MDGA1: variants seen among roughly 807,000 people sequenced by gnomAD.
The protein encoded by MDGA1 is MAM domain containing glycosylphosphatidylinositol anchor 1.
A neutral mutation model predicts 101.5 loss-of-function variants in MDGA1; 54 were observed. That is an observed-to-expected ratio of 0.53 (90% CI 0.43 to 0.67). The LOEUF (loss-of-function observed/expected upper bound fraction) is 0.67. Ranked by LOEUF, MDGA1 falls within the 30% of genes least tolerant of loss-of-function variation. MDGA1 has a pLI of 0.00. For missense variants in MDGA1, 1,083 were observed against 1,323.8 expected, an observed-to-expected ratio of 0.82 and a Z score of 2.82; for synonymous variants, 533 against 558.3, an observed-to-expected ratio of 0.95 and a Z score of 0.64.
chr6:37,673,571 G>A (rs532835108), intron 1 of MDGA1, among the ~76,000 whole-genome samples: 3 of 152,208 alleles, frequency 2.0e-5, no homozygotes, highest in Non-Finnish European at 1.5e-5. Context: ...GCCATCAAGC[G>A]TGGGCCTCTT....
rs2113994142 is a variant in MDGA1 at position 37,638,720 on chromosome 6, C to T, written c.2537-53G>A. On this transcript the variant is annotated intron_variant, in intron 14 of 16. Transcript: ENST00000434837. The surrounding 1 kb of genome is among the most constrained non-coding windows in gnomAD (Gnocchi z 4.8). The stretch of plus-strand genomic sequence containing the variant: ...GTGAGATCTGGCCAGGGCACCCTCA[C>T]CTTTCCACATTTACCAAGCCCTCTT... 7 of 1,564,774 alleles carry T rather than the reference C, an allele frequency of 4.5e-6. No individual in the cohort carries two copies. Among genetic ancestry groups the T allele is most frequent in the Non-Finnish European group, 2.6e-6 (3 of 1,153,296 alleles).
rs562843727 is a variant in MDGA1 at position 37,646,612 on chromosome 6, C to T, written c.2047-237G>A. 3.3e-5 allele frequency among the ~76,000 whole-genome samples: 5 copies of T among 152,246 alleles called. No individual in the cohort carries two copies. In the East Asian group the frequency reaches 9.6e-4, roughly 29 times the overall value. ...TCCTATGAGGCAAAAATCATAATTA[C>T]CCCCATTTTACAGATAAGGAAACTG... On this transcript the variant is annotated intron_variant, in intron 10 of 16. Transcript: ENST00000434837.
rs1763835157 is a variant in MDGA1 at position 37,632,305 on chromosome 6, G to C, written c.*5063C>G. ...GGGGCTTCCACAAAGGCAGTGTTTG[G>C]TTGGTATTTGCTGAATGAACAAATG... is the stretch of plus-strand genomic sequence containing the variant. On this transcript the variant is annotated 3_prime_UTR_variant, in exon 17 of 17. Coordinates refer to ENST00000434837, the MANE Select transcript of MDGA1 (RefSeq NM_153487.4). 6.6e-6 allele frequency: 1 copy of C among 151,364 alleles called. No individual in the cohort carries two copies. The highest frequency in any genetic ancestry group is 1.5e-5 in the Non-Finnish European group (1 of 68,046). 9.4% of individuals were successfully genotyped at this position (151,364 alleles called of 1,614,324 possible).
In MDGA1 at chr6:37,632,662, G is replaced by C. The variant is rs1313066823; in HGVS notation, c.*4706C>G. The stretch of plus-strand genomic sequence containing the variant: ...AAGGCAAAGGGGTGAGGATGGGGCT[G>C]TGTGACTAAAAAAACAACCCCAATC... On this transcript the variant is annotated 3_prime_UTR_variant, in exon 17 of 17. Coordinates refer to ENST00000434837, the MANE Select transcript of MDGA1 (RefSeq NM_153487.4). 6.6e-6 allele frequency: 1 copy of C among 152,590 alleles called. No individual in the cohort carries two copies. The highest frequency in any genetic ancestry group is 6.5e-5 in the Admixed American group (1 of 15,286). 9.5% of individuals were successfully genotyped at this position (152,590 alleles called of 1,614,324 possible).
At chr6:37,695,808 A>G (rs1454461979) in intron 1 of MDGA1, among the ~76,000 whole-genome samples, 1 of 152,230 alleles carries the variant, frequency 6.6e-6, no homozygotes, top group Non-Finnish European at 1.5e-5. Context: ...CAGTAAAGAG[A>G]AAGCAAAGTA....
At chr6:37,688,655 C>T (rs972360753) in intron 1 of MDGA1, among the ~76,000 whole-genome samples, 1 of 152,194 alleles carries the variant, frequency 6.6e-6, no homozygotes, top group African/African-American at 2.4e-5. Flanking sequence ...CACCCACACC[C>T]GGAGCTCCCT....
At chr6:37,640,208 G>A (rs1340043876) in intron 14 of MDGA1, among the ~76,000 whole-genome samples, 1 of 152,186 alleles carries the variant, frequency 6.6e-6, no homozygotes, top group Non-Finnish European at 1.5e-5. Context: ...CCAGGGGAAT[G>A]TGGTAAGAGG....
At chr6:37,681,898 C>T (rs1762104394) in intron 1 of MDGA1, among the ~76,000 whole-genome samples, 1 of 152,252 alleles carries the variant, frequency 6.6e-6, no homozygotes, top group African/African-American at 2.4e-5. Context: ...GGTGTCAGTG[C>T]TTTGGGCACA....
In MDGA1 at chr6:37,644,596, T is replaced by C; in HGVS notation, c.2302A>G (p.Thr768Ala). ...TGCCGCGTCCAGTCAAAGTTGTCTGTCAGGTCCTGGGTATAGCCACAGATC... is the reference window on the plus strand; with the variant it reads ...TGCCGCGTCCAGTCAAAGTTGTCTGCCAGGTCCTGGGTATAGCCACAGATC... ...EKICGYTQDL[T>A]DNFDWTRQNA... Residue 768 changes from threonine (T) to alanine (A), a missense_variant, in exon 13 of 17, where the codon ACA becomes GCA. By Grantham distance (58) the Thr-to-Ala change is moderately conservative. Transcript: ENST00000434837. 6.2e-7 allele frequency: 1 copy of C among 1,609,304 alleles called. No individual in the cohort carries two copies. The highest frequency in any genetic ancestry group is 8.5e-7 in the Non-Finnish European group (1 of 1,177,734).
intron 2 of MDGA1, 60 bp from the exon 3 acceptor site, chr6:37,658,479 C>G: frequency 6.7e-7 from 1 of 1,488,874 alleles, no homozygotes; most frequent in Middle Eastern, 1.8e-4. Flanking sequence ...GGGGCCTCAG[C>G]GCTGAGTGCC....
In MDGA1 at chr6:37,664,010, G is replaced by T. The variant is rs781035797; in HGVS notation, c.164C>A (p.Thr55Asn). The T allele has an allele frequency of 3.1e-6, 5 of 1,613,990 alleles. No homozygotes were observed. In the South Asian group the frequency reaches 5.5e-5, roughly 18 times the overall value. Residue 55 changes from threonine to asparagine, a missense_variant, in exon 2 of 17, where the codon ACC becomes AAC. This residue lies in a region of MDGA1 where 310 missense variants were observed against 355.9 expected (regional missense o/e 0.87). Transcript: ENST00000434837. ...TGTTACAAGGCACTGCAGCATGAGG[G>T]TGTCCCCCTCCCGGATGGTGTAGAC... ...ERVYTIREGDTLMLQCLVTGH... is the reference protein window; with the variant it reads ...ERVYTIREGDNLMLQCLVTGH...
chr6:37,650,511 C>G, intron 7 of MDGA1, 106 bp from the exon 8 acceptor site: 3 of 1,218,462 alleles, frequency 2.5e-6, no homozygotes, highest in Admixed American at 3.0e-5. Context: ...GCAAGCCTCT[C>G]TCTCCCATCC....
At chr6:37,639,836 T>C (rs1164600642) in intron 14 of MDGA1, 2 of 152,196 alleles carry the variant, frequency 1.3e-5, no homozygotes, top group African/African-American at 4.8e-5. Flanking sequence ...GTTAAGTGAA[T>C]GAATAGATGG....
intron 1 of MDGA1, among the ~76,000 whole-genome samples, chr6:37,692,932 C>T (rs565496912): frequency 1.3e-5 from 2 of 152,312 alleles, no homozygotes; most frequent in African/African-American, 4.8e-5. Flanking sequence ...TCGGATGGGA[C>T]ATCATGAGGA....
chr6:37,650,167 G>C lies in MDGA1; in HGVS notation c.1551C>G (p.Ala517=). The part of the protein sequence containing the change: ...DMSGTYRCQT[A]RYNGFNVRPR... ...GGCGCACGTTGAAGCCATTATAGCG[G>C]GCCGTCTGGCAGCGGTAGGTCCCGC... The change falls in exon 8 of 17, where the codon GCC becomes GCG. Residue 517 remains alanine, a synonymous_variant. Coordinates refer to ENST00000434837, the MANE Select transcript of MDGA1 (RefSeq NM_153487.4). 1 of 1,611,710 alleles carries C rather than the reference G, an allele frequency of 6.2e-7. No homozygotes were observed. The highest frequency in any genetic ancestry group is 8.5e-7 in the Non-Finnish European group (1 of 1,178,236).
In MDGA1 at chr6:37,649,106, G is replaced by T. The variant is rs1284192807; in HGVS notation, c.1770C>A (p.Ala590=). ...CCGCGTGATCCGGCGCCTCGGCGGC[G>T]GCGGGAACAACAGGCGGCGGCGGCA... The part of the protein sequence containing the change: ...QLLPPPPVVP[A]AAEAPDHAEL... The change falls in exon 9 of 17, where the codon GCC becomes GCA. Residue 590 remains alanine (A), a synonymous_variant. Coordinates refer to ENST00000434837, the MANE Select transcript of MDGA1 (RefSeq NM_153487.4). The T allele has an allele frequency of 6.6e-7, 1 of 1,522,142 alleles. No individual in the cohort carries two copies. Among genetic ancestry groups the T allele is most frequent in the Non-Finnish European group, 8.8e-7 (1 of 1,137,448 alleles). 94.3% of individuals were successfully genotyped at this position (1,522,142 alleles called of 1,614,324 possible). A position where few individuals can be genotyped will look rare whatever the true frequency, so the allele number is the denominator to read the frequency against.
chr6:37,647,404 C>T (rs914910273), intron 9 of MDGA1, 80 bp from the exon 10 acceptor site: 15 of 847,426 alleles, frequency 1.8e-5, no homozygotes, highest in Admixed American at 3.0e-5. Flanking sequence ...GAAAGGGAAA[C>T]AAGAGGATGA....
Position 37,635,814 on chromosome 6 carries a change from C to T in MDGA1, c.*1554G>A, listed in dbSNP as rs1341440484. ...TCAGGCCATCGCAGGCAGCTTGAGA[C>T]TACAGAACAGGGCTGGACAGAGTCT... On this transcript the variant is annotated 3_prime_UTR_variant, in exon 17 of 17. Coordinates refer to ENST00000434837, the MANE Select transcript of MDGA1 (RefSeq NM_153487.4). 5.0e-6 allele frequency: 2 copies of T among 398,086 alleles called. No individual in the cohort carries two copies. The highest frequency in any genetic ancestry group is 4.1e-5 in the African/African-American group (2 of 48,640). 24.7% of individuals were successfully genotyped at this position (398,086 alleles called of 1,614,324 possible). A position where few individuals can be genotyped will look rare whatever the true frequency, so the allele number is the denominator to read the frequency against.
chr6:37,655,053 C>T lies in MDGA1; in HGVS notation c.580-121G>A, dbSNP rs1761454195. The T allele has an allele frequency of 8.2e-7, 1 of 1,223,448 alleles. No individual in the cohort carries two copies. The highest frequency in any genetic ancestry group is 2.5e-5 in the East Asian group (1 of 39,272). The allele number at this position is 1,223,448 out of a possible 1,614,324, so 75.8% of individuals were successfully genotyped here. A position where few individuals can be genotyped will look rare whatever the true frequency, so the allele number is the denominator to read the frequency against. On this transcript the variant is annotated intron_variant, in intron 4 of 16. Transcript: ENST00000434837. The surrounding 1 kb of genome is among the most constrained non-coding windows in gnomAD (Gnocchi z 5.1). The stretch of plus-strand genomic sequence containing the variant: ...CTGTCTAATTCCTCTCTTTCCATCC[C>T]CAACCCCACCCTCACCATTTAGCCC...
Sources: gnomAD v4.1 joint callset for allele counts (sites outside exome capture counted in the v4.1 genomes callset) on GRCh38, gnomAD v4.1.1 for gene constraint, gnomAD v4.1.1 regional missense constraint, Gnocchi (gnomAD v3.1) non-coding constraint, MANE v1.5 for transcripts, NCBI Gene and HGNC (gene_info 2026-07-23, HGNC 2026-07-21) for gene names.